TOX2: variants seen among roughly 807,000 people sequenced by gnomAD.
The protein encoded by TOX2 is TOX high mobility group box family member 2.
In TOX2, 15 loss-of-function variants were observed where a neutral mutation model predicts 47.4. The observed-to-expected ratio is 0.32, with a 90% confidence interval of 0.21 to 0.49. The LOEUF is 0.49. Ranked by LOEUF, TOX2 falls within the 20% of genes least tolerant of loss-of-function variation. The pLI is 0.99. For missense variants in TOX2, 622 were observed against 673.1 expected, an observed-to-expected ratio of 0.92 and a Z score of 0.84; for synonymous variants, 290 against 296.6, an observed-to-expected ratio of 0.98 and a Z score of 0.23.
chr20:43,961,957 G>A (rs1450915639), intron 1 of TOX2, among the ~76,000 whole-genome samples: 4 of 152,168 alleles, frequency 2.6e-5, no homozygotes, highest in Admixed American at 6.5e-5. Context: ...CCCAGGCAGC[G>A]TCTGCAGCCC....
intron 1 of TOX2, among the ~76,000 whole-genome samples, chr20:43,950,369 C>T (rs906478898): frequency 7.2e-5 from 11 of 152,232 alleles, no homozygotes; most frequent in African/African-American, 2.7e-4. Context: ...TCCCCAACCA[C>T]AGCATCAGAT....
intron 3 of TOX2, among the ~76,000 whole-genome samples, chr20:44,029,208 T>C (rs1332883104): frequency 1.3e-5 from 2 of 152,348 alleles, no homozygotes; most frequent in East Asian, 3.9e-4. Flanking sequence ...TTTTGACCAG[T>C]GGTTCCCTCT....
chr20:44,034,549 A>G (rs1169261810), intron 3 of TOX2, among the ~76,000 whole-genome samples: 1 of 152,218 alleles, frequency 6.6e-6, no homozygotes, highest in East Asian at 1.9e-4. Context: ...AGGGCAGCTC[A>G]AGACAGAGGC....
intron 1 of TOX2, among the ~76,000 whole-genome samples, chr20:43,935,725 AGACCAG>A (rs1400287106): frequency 6.6e-6 from 1 of 151,980 alleles, no homozygotes; most frequent in Non-Finnish European, 1.5e-5. Context: ...CAGGAGTTCG[AGACCAG>A]CCTGGACAAC....
At chr20:44,014,784 C>T (rs1458695539) in intron 3 of TOX2, among the ~76,000 whole-genome samples, 1 of 152,108 alleles carries the variant, frequency 6.6e-6, no homozygotes, top group Admixed American at 6.6e-5. Flanking sequence ...GCTTCAGCCT[C>T]GTCTCTAAGT....
chr20:44,050,252 C>A (rs906021977), intron 3 of TOX2, among the ~76,000 whole-genome samples: 1 of 152,112 alleles, frequency 6.6e-6, no homozygotes. Flanking sequence ...AATTATGAAT[C>A]TTTAAAATGC....
intron 1 of TOX2, among the ~76,000 whole-genome samples, chr20:43,966,999 C>G (rs558725618): frequency 6.6e-6 from 1 of 152,266 alleles, no homozygotes; most frequent in South Asian, 2.1e-4. Context: ...TGTGTGTGCC[C>G]CTACGCTGTG....
chr20:43,936,135 C>G (rs1173564057), intron 1 of TOX2, among the ~76,000 whole-genome samples: 1 of 152,142 alleles, frequency 6.6e-6, no homozygotes, highest in African/African-American at 2.4e-5. Context: ...GTCATTCCCA[C>G]TGGTAGAGAC....
chr20:43,973,337 G>T, intron 1 of TOX2, 30 bp from the exon 2 acceptor site: 1 of 1,611,436 alleles, frequency 6.2e-7, no homozygotes, highest in Non-Finnish European at 8.5e-7. Flanking sequence ...ATTTTAATCA[G>T]AGCTGCTTCT....
At position 43,945,782 on chromosome 20, in the gene TOX2, TCCA is replaced by T; in HGVS notation, c.100-27584_100-27582del. 4 of 1,329,104 alleles carry T rather than the reference TCCA, an allele frequency of 3.0e-6. No homozygotes were observed. The Admixed American group carries it at 8.4e-5, about 28-fold the overall frequency. 82.3% of individuals were successfully genotyped at this position (1,329,104 alleles called of 1,614,324 possible). On this transcript the variant is annotated intron_variant, in intron 1 of 8. Transcript: ENST00000341197. ...TAAAAGAGGTTAAATAACAGGTTTT[TCCA>T]TTTCACCTTATACGAATGGGATGGG... is the stretch of plus-strand genomic sequence containing the variant.
At chr20:44,009,029 C>T (rs1455793706) in intron 3 of TOX2, among the ~76,000 whole-genome samples, 1 of 152,146 alleles carries the variant, frequency 6.6e-6, no homozygotes, top group Non-Finnish European at 1.5e-5. Context: ...CACACATACA[C>T]CTGTGGCACA....
At chr20:43,995,380 G>A (rs6093910) in intron 2 of TOX2, among the ~76,000 whole-genome samples, 5,834 of 152,198 alleles carry the variant, frequency 0.038, 293 homozygotes, top group East Asian at 0.12. Context: ...CACTATACCC[G>A]TGATAAGAAG....
chr20:43,975,490 C>A (rs2145484504), intron 2 of TOX2, among the ~76,000 whole-genome samples: 1 of 152,250 alleles, frequency 6.6e-6, no homozygotes. Context: ...TTGGCTGATT[C>A]AATCAAGGTG....
At chr20:44,064,962 A>G in intron 6 of TOX2, 105 bp downstream of exon 6, 1 of 1,038,802 alleles carries the variant, frequency 9.6e-7, no homozygotes, top group Middle Eastern at 2.1e-4. Flanking sequence ...CAGGTCTTAG[A>G]AAGAATGGCT....
intron 1 of TOX2, among the ~76,000 whole-genome samples, chr20:43,920,510 G>A (rs1446779920): frequency 6.6e-6 from 1 of 152,126 alleles, no homozygotes; most frequent in Non-Finnish European, 1.5e-5. Context: ...CCCAGGGAAC[G>A]CTAGATGGAT....
intron 2 of TOX2, among the ~76,000 whole-genome samples, chr20:43,988,612 G>A (rs74376816): frequency 0.029 from 4,418 of 152,312 alleles, 224 homozygotes; most frequent in African/African-American, 0.1. Flanking sequence ...TTGCTTAATG[G>A]CTGCTTTCCT....
At chr20:43,945,792 C>A in intron 1 of TOX2, 2 of 1,405,972 alleles carry the variant, frequency 1.4e-6, no homozygotes, top group Admixed American at 1.9e-5. Context: ...TCCATTTCAC[C>A]TTATACGAAT....
chr20:44,019,504 G>A (rs1251420356), intron 3 of TOX2, among the ~76,000 whole-genome samples: 1 of 152,248 alleles, frequency 6.6e-6, no homozygotes, highest in African/African-American at 2.4e-5. Context: ...TCGAGTGTGG[G>A]TGTTGGTCAA....
At chr20:43,945,503 A>AT (rs1369201338) in intron 1 of TOX2, among the ~76,000 whole-genome samples, 1 of 152,222 alleles carries the variant, frequency 6.6e-6, no homozygotes, top group Non-Finnish European at 1.5e-5. Context: ...CAGAAGTCTA[A>AT]TTGCTGAATG....
Sources: allele counts gnomAD v4.1 joint callset (sites outside exome capture counted in the v4.1 genomes callset), GRCh38; gene constraint gnomAD v4.1.1; transcripts MANE v1.5; gene names NCBI Gene and HGNC (gene_info 2026-07-23, HGNC 2026-07-21).